OSTN: variants seen among roughly 807,000 people sequenced by gnomAD.
OSTN encodes osteocrin.
A neutral mutation model predicts 12.0 loss-of-function variants in OSTN; 9 were observed. The ratio of observed to expected loss-of-function variants is 0.75; its 90% confidence interval spans 0.45 to 1.30. The LOEUF (loss-of-function observed/expected upper bound fraction) is 1.30, where lower values mean the gene tolerates loss of function less well. Among genes scored for constraint, OSTN ranks in the 50% most tolerant of loss-of-function variants. The pLI, the probability that OSTN is intolerant of heterozygous loss-of-function variation, is 0.00. For missense variants in OSTN, 148 were observed against 152.3 expected (o/e 0.97, Z 0.15); for synonymous variants, 59 against 56.9 (o/e 1.04, Z -0.16).
chr3:191,207,159 T>C (rs1454415120), intron 1 of OSTN, among the ~76,000 whole-genome samples: 1 of 152,218 alleles, frequency 6.6e-6, no homozygotes, highest in Non-Finnish European at 1.5e-5. Context: ...TGTAAATCCT[T>C]TAATTAAGTC....
In OSTN at chr3:191,262,937, T is replaced by A. The variant is rs2108559286; in HGVS notation, c.*84T>A. The A allele has an allele frequency of 1.6e-5, 11 of 700,072 alleles. No homozygotes were observed. In the South Asian group the frequency reaches 1.6e-4, roughly 10 times the overall value. The allele number at this position is 700,072 out of a possible 1,614,324, so 43.4% of individuals were successfully genotyped here. A position where few individuals can be genotyped will look rare whatever the true frequency, so the allele number is the denominator to read the frequency against. On this transcript the variant is annotated 3_prime_UTR_variant, in exon 5 of 5. Transcript: ENST00000682035. ...CACTGAAGTTATTCACACTTCTTAA[T>A]GATTAAACTTTTAAGGAACTGACCT...
In OSTN at chr3:191,250,130, A is replaced by T. The variant is rs2108552139; in HGVS notation, c.*9A>T. Reference sequence around the variant, plus strand: ...CAAATTCCAGAGGCTAATTGATTCCAATTGTGAGTACAATTTGAATAAGTA... The same window carrying T: ...CAAATTCCAGAGGCTAATTGATTCCTATTGTGAGTACAATTTGAATAAGTA... On this transcript the variant is annotated 3_prime_UTR_variant, in exon 4 of 5. Coordinates refer to ENST00000682035, the MANE Select transcript of OSTN (RefSeq NM_198184.2). 6.3e-7 allele frequency: 1 copy of T among 1,586,768 alleles called. No individual in the cohort carries two copies.
At position 191,200,332 on chromosome 3, in the gene OSTN, G is replaced by T. The variant is rs144192685; in HGVS notation, c.-1+1025G>T. Among the ~76,000 whole-genome samples, 23 of 152,138 alleles carry T rather than the reference G, an allele frequency of 1.5e-4. No homozygotes were observed. The East Asian group carries it at 4.4e-3, about 29-fold the overall frequency. On this transcript the variant is annotated intron_variant, in intron 1 of 4. Coordinates refer to ENST00000682035, the MANE Select transcript of OSTN (RefSeq NM_198184.2). ...TTCAGAGTGTTTAAGGTTGACATTT[G>T]CTTTCTCCCCCTTATTTCTCAGGAT... is the stretch of plus-strand genomic sequence containing the variant.
Position 191,263,633 on chromosome 3 carries a change from A to T in OSTN, c.*780A>T, listed in dbSNP as rs989016091. On this transcript the variant is annotated 3_prime_UTR_variant, in exon 5 of 5. Coordinates refer to ENST00000682035, the MANE Select transcript of OSTN (RefSeq NM_198184.2). Reference sequence around the variant, plus strand: ...GAACAGGTTAGGACCAGCTAAGCACACATCATTTTAGCTCAGTACACTTCA... The same window carrying T: ...GAACAGGTTAGGACCAGCTAAGCACTCATCATTTTAGCTCAGTACACTTCA... The T allele has an allele frequency of 1.3e-5, 2 of 152,154 alleles. No individual in the cohort carries two copies. The highest frequency in any genetic ancestry group is 4.8e-5 in the African/African-American group (2 of 41,442). 9.4% of individuals were successfully genotyped at this position (152,154 alleles called of 1,614,324 possible).
rs1388477956 is a variant in OSTN at position 191,262,900 on chromosome 3, T to C, written c.*47T>C. ...CCTTGGGTGAAATGTCACAGCAATA[T>C]GGAAGATGCTTCACTGAAGTTATTC... is the stretch of plus-strand genomic sequence containing the variant. On this transcript the variant is annotated 3_prime_UTR_variant, in exon 5 of 5. Coordinates refer to ENST00000682035, the MANE Select transcript of OSTN (RefSeq NM_198184.2). 4.3e-6 allele frequency: 3 copies of C among 702,046 alleles called. No individual in the cohort carries two copies. The highest frequency in any genetic ancestry group is 2.0e-5 in the Admixed American group (1 of 49,980). 43.5% of individuals were successfully genotyped at this position (702,046 alleles called of 1,614,324 possible).
intron 2 of OSTN, among the ~76,000 whole-genome samples, chr3:191,217,989 C>A (rs908109600): frequency 1.3e-5 from 2 of 151,022 alleles, no homozygotes; most frequent in East Asian, 3.9e-4. Flanking sequence ...GAGCAAAATA[C>A]GAGATGAAGC....
chr3:191,225,335 T>C (rs977659000), intron 3 of OSTN, among the ~76,000 whole-genome samples: 3 of 152,210 alleles, frequency 2.0e-5, no homozygotes, highest in African/African-American at 7.2e-5. Flanking sequence ...TTTTATTTAA[T>C]TTGCCAACAG....
At chr3:191,254,826 A>T (rs1715635144) in intron 4 of OSTN, among the ~76,000 whole-genome samples, 1 of 152,196 alleles carries the variant, frequency 6.6e-6, no homozygotes, top group African/African-American at 2.4e-5. Context: ...CTTTACTGAG[A>T]CTTTCCTTAT....
chr3:191,222,704 A>C (rs1714798741), intron 3 of OSTN, among the ~76,000 whole-genome samples: 1 of 152,046 alleles, frequency 6.6e-6, no homozygotes, highest in South Asian at 2.1e-4. Context: ...CAGGGATGGA[A>C]TTATATGGTT....
intron 3 of OSTN, chr3:191,234,674 G>A (rs1399890349): frequency 7.6e-6 from 1 of 131,784 alleles, no homozygotes; most frequent in Non-Finnish European, 1.5e-5. Flanking sequence ...TCCAGCCTGG[G>A]CAACAGAACG....
rs145036164 is a variant in OSTN, at chr3:191,245,719, A to C, written c.318-4318A>C. Among the ~76,000 whole-genome samples the C allele has an allele frequency of 2.2e-3, 340 of 152,310 alleles. 3 individuals carry two copies. The highest frequency in any genetic ancestry group is 7.8e-3 in the African/African-American group (326 of 41,566). ...TTTACCTTCATTTTTGAGAAAATAA[A>C]TTTTGGTAGGAGAGACCAAAGAATG... On this transcript the variant is annotated intron_variant, in intron 3 of 4. Coordinates refer to ENST00000682035, the MANE Select transcript of OSTN (RefSeq NM_198184.2).
intron 3 of OSTN, among the ~76,000 whole-genome samples, chr3:191,240,151 C>T (rs1380027161): frequency 6.6e-6 from 1 of 152,098 alleles, no homozygotes; most frequent in Admixed American, 6.5e-5. Flanking sequence ...TTAATGTGCT[C>T]CTTCATCCTA....
chr3:191,259,956 G>A (rs889449329), intron 4 of OSTN, among the ~76,000 whole-genome samples: 3 of 148,922 alleles, frequency 2.0e-5, no homozygotes, highest in African/African-American at 7.4e-5. Context: ...CCCGGTTCAA[G>A]TGATTCTCCT....
At chr3:191,200,400 G>A (rs1365587159) in intron 1 of OSTN, among the ~76,000 whole-genome samples, 2 of 152,074 alleles carry the variant, frequency 1.3e-5, no homozygotes, top group African/African-American at 4.8e-5. Context: ...CAGTAGAGAA[G>A]CAGATATCTT....
chr3:191,214,438 A>G (rs1714550844), intron 2 of OSTN, among the ~76,000 whole-genome samples: 1 of 121,864 alleles, frequency 8.2e-6, no homozygotes, highest in Non-Finnish European at 1.5e-5. Flanking sequence ...CTCCATCTCA[A>G]AAAAAAAAAA....
intron 3 of OSTN, among the ~76,000 whole-genome samples, chr3:191,232,331 TAAAAAAAA>T (rs61313474): frequency 2.4e-4 from 16 of 67,490 alleles, no homozygotes; most frequent in African/African-American, 1.3e-3. Context: ...AGACTCTGTC[TAAAAAAAA>T]AAAAAAAAAA....
intron 4 of OSTN, among the ~76,000 whole-genome samples, chr3:191,257,559 C>A (rs573559993): frequency 6.6e-6 from 1 of 152,130 alleles, no homozygotes; most frequent in African/African-American, 2.4e-5. Context: ...TGTTATCCCC[C>A]ACCCTCATCA....
chr3:191,199,898 T>C (rs1173610297), intron 1 of OSTN, among the ~76,000 whole-genome samples: 1 of 152,110 alleles, frequency 6.6e-6, no homozygotes, highest in Non-Finnish European at 1.5e-5. Context: ...TATTCAATGA[T>C]TGAATTGAGA....
intron 3 of OSTN, among the ~76,000 whole-genome samples, chr3:191,241,894 C>CA (rs1715329592): frequency 6.6e-6 from 1 of 152,000 alleles, no homozygotes; most frequent in Non-Finnish European, 1.5e-5. Context: ...ATTATCTAAA[C>CA]ACCAAAACCA....
Sources: allele counts gnomAD v4.1 joint callset (sites outside exome capture counted in the v4.1 genomes callset), GRCh38; gene constraint gnomAD v4.1.1; transcripts MANE v1.5; gene names NCBI Gene and HGNC (gene_info 2026-07-23, HGNC 2026-07-21).